NACC1: variants seen among roughly 807,000 people sequenced by gnomAD.
NACC1 encodes the protein nucleus accumbens-associated protein 1.
A neutral mutation model predicts 41.7 loss-of-function variants in NACC1; 6 were observed. The ratio of observed to expected loss-of-function variants is 0.14; its 90% confidence interval spans 0.08 to 0.28. The LOEUF (loss-of-function observed/expected upper bound fraction) is 0.28, where lower values mean the gene tolerates loss of function less well. NACC1 is among the 10% of genes least tolerant of loss of function. The probability of loss-of-function intolerance (pLI) is 1.00; values close to 1 mark genes in which losing one functional copy is unlikely to be tolerated. For synonymous variants in NACC1, 338 were observed against 330.6 expected (o/e 1.02, Z -0.24); for missense variants, 434 against 763.7 (o/e 0.57, Z 5.09).
At position 13,136,557 on chromosome 19, in the gene NACC1, T is replaced by C. The variant is rs2019709944; in HGVS notation, c.1120+152T>C. 2 of 925,384 alleles carry C rather than the reference T, an allele frequency of 2.2e-6. No individual in the cohort carries two copies. Among genetic ancestry groups the C allele is most frequent in the African/African-American group, 1.7e-5 (1 of 59,804 alleles). 57.3% of individuals were successfully genotyped at this position (925,384 alleles called of 1,614,324 possible). ...ACAGCCACCCTAAGGGTGGGGGCGT[T>C]GGTGAGATGGAGGAGCTGATACAGC... On this transcript the variant is annotated intron_variant, in intron 3 of 5. Coordinates refer to ENST00000292431, the MANE Select transcript of NACC1 (RefSeq NM_052876.4). This position sits in a 1 kb window ranked among gnomAD's most constrained non-coding sequence, Gnocchi z 5.5.
intron 1 of NACC1, among the ~76,000 whole-genome samples, chr19:13,119,386 C>G (rs891676811): frequency 6.6e-6 from 1 of 152,180 alleles, no homozygotes; most frequent in Non-Finnish European, 1.5e-5. Flanking sequence ...CAGCTGGAGA[C>G]AGTCTGGAAC....
chr19:13,121,742 A>G (rs1474092012), intron 1 of NACC1, among the ~76,000 whole-genome samples: 1 of 152,200 alleles, frequency 6.6e-6, no homozygotes, highest in Middle Eastern at 3.4e-3. Context: ...GGAAAACATG[A>G]GTCAGTGTTC....
intron 1 of NACC1, among the ~76,000 whole-genome samples, chr19:13,122,714 G>A (rs918782862): frequency 3.9e-5 from 6 of 152,160 alleles, no homozygotes; most frequent in Admixed American, 1.3e-4. Context: ...GGTGTGAGTG[G>A]ACAGTGCTGT....
In NACC1 at chr19:13,135,426, G is replaced by A. The variant is rs1291218932; in HGVS notation, c.219G>A (p.Val73=). 1 of 1,613,034 alleles carries A rather than the reference G, an allele frequency of 6.2e-7. No individual in the cohort carries two copies. Among genetic ancestry groups the A allele is most frequent in the Admixed American group, 1.7e-5 (1 of 59,986 alleles). The change falls in exon 2 of 6, where the codon GTG becomes GTA. Residue 73 remains valine, a synonymous_variant. Transcript: ENST00000292431. ...CCGTGGTGGAGCTGCCGGCGGCTGT[G>A]CAGCCCCAGTCTTTCCAGCAGATCC... ...RSAVVELPAA[V]QPQSFQQILS...
Position 13,138,299 on chromosome 19 carries a change from A to G in NACC1, c.1477A>G (p.Ile493Val). 1.9e-6 allele frequency: 3 copies of G among 1,614,214 alleles called. No individual in the cohort carries two copies. The highest frequency in any genetic ancestry group is 1.7e-6 in the Non-Finnish European group (2 of 1,180,032). The change falls in exon 6 of 6, where the codon ATC becomes GTC. Residue 493 changes from isoleucine to valine, a missense_variant. This residue lies in a region of NACC1 where 63 missense variants were observed against 68.4 expected (regional missense o/e 0.92). Transcript: ENST00000292431. This position sits in a 1 kb window ranked among gnomAD's most constrained non-coding sequence, Gnocchi z 5.7. ...TGAGGATGACGCCTACACCACCTTC[A>G]TCAGTGAAACGGGCAAGATCGAGCC... ...KAEDDAYTTF[I>V]SETGKIEPDM... is the part of the protein sequence containing the mutation.
rs1408554869 is a variant in NACC1 at position 13,137,692 on chromosome 19, C to T, written c.1324+117C>T. Reference sequence around the variant, plus strand: ...CAGTGTTGAGAAGCATTCTGGGGCTCATTCTAGCCTTGCTGGGAAACCGGC... The same window carrying T: ...CAGTGTTGAGAAGCATTCTGGGGCTTATTCTAGCCTTGCTGGGAAACCGGC... On this transcript the variant is annotated intron_variant, in intron 5 of 5. Transcript: ENST00000292431. The surrounding 1 kb of genome is among the most constrained non-coding windows in gnomAD (Gnocchi z 6.1). The T allele has an allele frequency of 2.4e-6, 2 of 824,480 alleles. No individual in the cohort carries two copies. Among genetic ancestry groups the T allele is most frequent in the Non-Finnish European group, 1.9e-6 (1 of 534,972 alleles). 51.1% of individuals were successfully genotyped at this position (824,480 alleles called of 1,614,324 possible).
At chr19:13,134,752 ACAGT>A (rs1309572542) in intron 1 of NACC1, among the ~76,000 whole-genome samples, 13 of 152,256 alleles carry the variant, frequency 8.5e-5, no homozygotes, top group Non-Finnish European at 1.9e-4. Flanking sequence ...ACTCTGCTGC[ACAGT>A]CAGATGACCC....
intron 1 of NACC1, among the ~76,000 whole-genome samples, chr19:13,123,120 G>A (rs1474646608): frequency 1.3e-5 from 2 of 152,144 alleles, no homozygotes; most frequent in African/African-American, 2.4e-5. Context: ...CAGCCCAGCA[G>A]GCCCCTCTCC....
rs150129060 is a variant in NACC1 at position 13,120,104 on chromosome 19, T to C, written c.-9+1650T>C. On this transcript the variant is annotated intron_variant, in intron 1 of 5. Coordinates refer to ENST00000292431, the MANE Select transcript of NACC1 (RefSeq NM_052876.4). ...CCTTCTGCTCACCCCGGGGGATGGG[T>C]CAATCCCCTTTGGGACAGACTGAGT... Among the ~76,000 whole-genome samples, 1,110 of 152,166 alleles carry C rather than the reference T, an allele frequency of 7.3e-3. 9 individuals carry two copies. The highest frequency in any genetic ancestry group is 0.013 in the Non-Finnish European group (876 of 67,972).
At position 13,137,365 on chromosome 19, in the gene NACC1, C is replaced by T; in HGVS notation, c.1215C>T (p.Ser405=). 1 of 1,613,658 alleles carries T rather than the reference C, an allele frequency of 6.2e-7. No individual in the cohort carries two copies. The highest frequency in any genetic ancestry group is 1.3e-5 in the African/African-American group (1 of 75,036). ...TCCTACTGCGGCGGCTCCTGGCCTC[C>T]TTCTTTGACCGGTAAGGCCCTTGCC... ...HKVLLRRLLA[S]FFDRNTLANS... Residue 405 remains serine (S), a synonymous_variant, in exon 4 of 6, where the codon TCC becomes TCT. Coordinates refer to ENST00000292431, the MANE Select transcript of NACC1 (RefSeq NM_052876.4). The surrounding 1 kb of genome is among the most constrained non-coding windows in gnomAD (Gnocchi z 6.1).
Position 13,140,627 on chromosome 19 carries a change from TGGGGGGGTGGGGA to T in NACC1, c.*2223_*2235del, listed in dbSNP as rs2019777124. On this transcript the variant is annotated 3_prime_UTR_variant, in exon 6 of 6. Coordinates refer to ENST00000292431, the MANE Select transcript of NACC1 (RefSeq NM_052876.4). This position sits in a 1 kb window ranked among gnomAD's most constrained non-coding sequence, Gnocchi z 4.0. ...CAGGACTGTGTGTGGGTCCGGGGGG[TGGGGGGGTGGGGA>T]GAAGGGTCGGGCAGGGGGTGCAGGG... 1 of 10,792 alleles carries T rather than the reference TGGGGGGGTGGGGA, an allele frequency of 9.3e-5. No homozygotes were observed. The highest frequency in any genetic ancestry group is 2.0e-4 in the Non-Finnish European group (1 of 5,096). The allele number at this position is 10,792 out of a possible 1,614,324, so 0.7% of individuals were successfully genotyped here. A position where few individuals can be genotyped will look rare whatever the true frequency, so the allele number is the denominator to read the frequency against.
In NACC1 at chr19:13,135,262, T is replaced by C; in HGVS notation, c.55T>C (p.Cys19Arg). Residue 19 changes from cysteine (C) to arginine (R), a missense_variant, in exon 2 of 6, where the codon TGC (cysteine) becomes CGC (arginine). Around this residue, in one of 4 missense-constraint regions of NACC1, gnomAD observed 67 missense variants for 180.1 expected, o/e 0.37. Coordinates refer to ENST00000292431, the MANE Select transcript of NACC1 (RefSeq NM_052876.4). ...GAACTTCGGCAACAGCATCCTGGAG[T>C]GCCTCAATGAACAGCGGCTGCAGGG... The part of the protein sequence containing the change: ...IPNFGNSILE[C>R]LNEQRLQGLY... 6.2e-7 allele frequency: 1 copy of C among 1,613,298 alleles called. No individual in the cohort carries two copies. Among genetic ancestry groups the C allele is most frequent in the Non-Finnish European group, 8.5e-7 (1 of 1,179,854 alleles).
chr19:13,134,341 T>G (rs2019671714), intron 1 of NACC1, among the ~76,000 whole-genome samples: 1 of 151,794 alleles, frequency 6.6e-6, no homozygotes, highest in Non-Finnish European at 1.5e-5. Flanking sequence ...ATTACAGGCA[T>G]GAGCCACTGC....
intron 1 of NACC1, among the ~76,000 whole-genome samples, chr19:13,120,144 C>T (rs543514335): frequency 4.6e-5 from 7 of 152,048 alleles, no homozygotes; most frequent in East Asian, 3.9e-4. Context: ...ATGGTGTCCC[C>T]GGGGAATGGA....
Position 13,138,459 on chromosome 19 carries a change from A to G in NACC1, c.*53A>G, listed in dbSNP as rs1258270807. On this transcript the variant is annotated 3_prime_UTR_variant, in exon 6 of 6. Coordinates refer to ENST00000292431, the MANE Select transcript of NACC1 (RefSeq NM_052876.4). This position sits in a 1 kb window ranked among gnomAD's most constrained non-coding sequence, Gnocchi z 5.7. ...ACTTCCCCTCCCAACACACACACACACCTGCCATCTTGGTCATGAGCTACT... is the reference window on the plus strand; with the variant it reads ...ACTTCCCCTCCCAACACACACACACGCCTGCCATCTTGGTCATGAGCTACT... 37 of 1,579,256 alleles carry G rather than the reference A, an allele frequency of 2.3e-5. 1 individual carries two copies. In the South Asian group the frequency reaches 3.4e-4, roughly 14 times the overall value.
chr19:13,136,143 C>T lies in NACC1; in HGVS notation c.936C>T (p.Val312=), dbSNP rs150402004. 31 of 1,611,924 alleles carry T rather than the reference C, an allele frequency of 1.9e-5. 1 individual carries two copies. The highest frequency in any genetic ancestry group is 1.1e-4 in the African/African-American group (8 of 75,012). ...ACACCATGTACAGCATGATGAACGT[C>T]GGCCAGACAGGTGAGGTGCCGTCCT... The part of the protein sequence containing the change: ...NMYTMYSMMN[V]GQTAEKVEAL... Residue 312 remains valine (V), a synonymous_variant, in exon 2 of 6, where the codon GTC becomes GTT. Coordinates refer to ENST00000292431, the MANE Select transcript of NACC1 (RefSeq NM_052876.4). This position sits in a 1 kb window ranked among gnomAD's most constrained non-coding sequence, Gnocchi z 5.5.
At chr19:13,132,080 C>G (rs146107325) in intron 1 of NACC1, among the ~76,000 whole-genome samples, 1 of 151,708 alleles carries the variant, frequency 6.6e-6, no homozygotes, top group Non-Finnish European at 1.5e-5. Flanking sequence ...AGGCTGGTCT[C>G]GAACTCCCGA....
rs1166690520 is a variant in NACC1, at chr19:13,135,318, G to A, written c.111G>A (p.Lys37=). 6.2e-7 allele frequency: 1 copy of A among 1,613,814 alleles called. No homozygotes were observed. The highest frequency in any genetic ancestry group is 8.5e-7 in the Non-Finnish European group (1 of 1,180,040). The part of the protein sequence containing the change: ...GLYCDVSVVV[K]GHAFKAHRAV... The stretch of plus-strand genomic sequence containing the variant: ...ACTGTGACGTGTCAGTGGTGGTCAA[G>A]GGCCATGCCTTCAAGGCCCACCGGG... The change falls in exon 2 of 6, where the codon AAG becomes AAA. Residue 37 remains lysine, a synonymous_variant. Coordinates refer to ENST00000292431, the MANE Select transcript of NACC1 (RefSeq NM_052876.4).
Position 13,136,192 on chromosome 19 carries a change from C to G in NACC1, c.946+39C>G, listed in dbSNP as rs1568385955. The G allele has an allele frequency of 6.2e-7, 1 of 1,603,170 alleles. No individual in the cohort carries two copies. The highest frequency in any genetic ancestry group is 1.3e-5 in the African/African-American group (1 of 74,962). ...CTGTCCCCCATCCCACCAGCCACCC[C>G]TGCTCCTCCTGCCACTCGCGTGCCA... On this transcript the variant is annotated intron_variant, in intron 2 of 5. Transcript: ENST00000292431. This position sits in a 1 kb window ranked among gnomAD's most constrained non-coding sequence, Gnocchi z 5.5.
Sources: gnomAD v4.1 joint callset for allele counts (sites outside exome capture counted in the v4.1 genomes callset) on GRCh38, gnomAD v4.1.1 for gene constraint, gnomAD v4.1.1 regional missense constraint, Gnocchi (gnomAD v3.1) non-coding constraint, MANE v1.5 for transcripts, NCBI Gene and HGNC (gene_info 2026-07-23, HGNC 2026-07-21) for gene names.